SYNE1: variants seen among roughly 807,000 people sequenced by gnomAD.
SYNE1 encodes spectrin repeat containing nuclear envelope protein 1.
SYNE1 carries 616 observed loss-of-function variants against 1,111.0 expected under a neutral mutation model. That is an observed-to-expected ratio of 0.55 (90% CI 0.52 to 0.59). The LOEUF is 0.59. Ranked by LOEUF, SYNE1 falls within the 20% of genes least tolerant of loss-of-function variation. The probability of loss-of-function intolerance (pLI) is 0.00; values close to 1 mark genes in which losing one functional copy is unlikely to be tolerated. For missense variants in SYNE1, 10,006 were observed against 10,417.0 expected (o/e 0.96, Z 1.72); for synonymous variants, 3,855 against 3,825.8 (o/e 1.01, Z -0.28).
rs572750497 is a variant in SYNE1 at position 152,425,408 on chromosome 6, C to T, written c.5240G>A (p.Arg1747Lys). 1 of 1,614,156 alleles carries T rather than the reference C, an allele frequency of 6.2e-7. No individual in the cohort carries two copies. The highest frequency in any genetic ancestry group is 1.1e-5 in the South Asian group (1 of 91,076). ...TTTGTTAATGATCTGTGGTAAATCTCTCCATCTCTCATCCAACTGCTCCAA... is the reference window on the plus strand; with the variant it reads ...TTTGTTAATGATCTGTGGTAAATCTTTCCATCTCTCATCCAACTGCTCCAA... ...LHLEQLDERW[R>K]DLPQIINKRI... The change falls in exon 39 of 146, where the codon AGA (arginine) becomes AAA (lysine). Residue 1747 changes from arginine (R) to lysine (K), a missense_variant. This residue lies in a region of SYNE1 where 1,971 missense variants were observed against 2,084.1 expected (regional missense o/e 0.95). Coordinates refer to ENST00000367255, the MANE Select transcript of SYNE1 (RefSeq NM_182961.4).
chr6:152,462,827 A>G lies in SYNE1; in HGVS notation c.2161T>C (p.Ser721Pro). The G allele has an allele frequency of 1.9e-6, 3 of 1,614,082 alleles. No individual in the cohort carries two copies. The highest frequency in any genetic ancestry group is 2.5e-6 in the Non-Finnish European group (3 of 1,179,968). Residue 721 changes from serine (S) to proline (P), a missense_variant, in exon 20 of 146, where the codon TCT becomes CCT. Ser to Pro is a moderately conservative substitution (Grantham distance 74). Coordinates refer to ENST00000367255, the MANE Select transcript of SYNE1 (RefSeq NM_182961.4). Reference sequence around the variant, plus strand: ...TTATGGGCTTCCGTTGCAAAAGCAGACAGGGTAACAACACAGTCTGTGTAT... The same window carrying G: ...TTATGGGCTTCCGTTGCAAAAGCAGGCAGGGTAACAACACAGTCTGTGTAT... ...KEYTDCVVTL[S>P]AFATEAHKKL...
intron 130 of SYNE1, among the ~76,000 whole-genome samples, chr6:152,170,782 T>A (rs2065001004): frequency 6.6e-6 from 1 of 152,208 alleles, no homozygotes; most frequent in South Asian, 2.1e-4. Context: ...ATTGAACATA[T>A]TCTATGCTTA....
At chr6:152,447,293 T>A (rs1308781115) in intron 29 of SYNE1, among the ~76,000 whole-genome samples, 165 bp downstream of exon 29, 1 of 152,208 alleles carries the variant, frequency 6.6e-6, no homozygotes, top group Non-Finnish European at 1.5e-5. Context: ...TCAAACATCC[T>A]CTTCATCTTT....
At position 152,373,031 on chromosome 6, in the gene SYNE1, A is replaced by G. The variant is rs372138410; in HGVS notation, c.9507+6T>C. On this transcript the variant is annotated splice_donor_region_variant and intron_variant, in intron 59 of 145. Coordinates refer to ENST00000367255, the MANE Select transcript of SYNE1 (RefSeq NM_182961.4). ...AGAATGCTTCCATGTGGTTGGCTAT[A>G]TATACCTCTAGAGCAGATTCTTTTT... 15 of 1,613,754 alleles carry G rather than the reference A, an allele frequency of 9.3e-6. No individual in the cohort carries two copies. Among genetic ancestry groups the G allele is most frequent in the African/African-American group, 1.3e-5 (1 of 74,928 alleles).
rs1460124610 is a variant in SYNE1 at position 152,329,811 on chromosome 6, C to G, written c.14874G>C (p.Leu4958=). ...EKEKFTKAKE[L]ISADLEHSLA... ...GGCTGTGTTCTAAATCCGCAGAAAT[C>G]AGCTCCTTGGCCTTTGTGAACTTCT... Residue 4958 remains leucine (L), a synonymous_variant, in exon 78 of 146, where the codon CTG becomes CTC. Transcript: ENST00000367255. 1.2e-6 allele frequency: 2 copies of G among 1,614,112 alleles called. No homozygotes were observed. Among genetic ancestry groups the G allele is most frequent in the Non-Finnish European group, 1.7e-6 (2 of 1,180,046 alleles).
chr6:152,404,312 A>G lies in SYNE1; in HGVS notation c.6726T>C (p.Ser2242=). 6.2e-7 allele frequency: 1 copy of G among 1,608,578 alleles called. No individual in the cohort carries two copies. The part of the protein sequence containing the change: ...RAEELLKEFE[S]EVKNKALRLE... ...ATCTCAATGCTTTGTTTTTAACTTCAGACTGCCAAAAGGGAAGAAACATAA... is the reference window on the plus strand; with the variant it reads ...ATCTCAATGCTTTGTTTTTAACTTCGGACTGCCAAAAGGGAAGAAACATAA... Residue 2242 remains serine, a splice_region_variant and synonymous_variant, in exon 46 of 146, where the codon TCT becomes TCC. Transcript: ENST00000367255.
At chr6:152,232,302 A>T in intron 112 of SYNE1, 37 bp from the exon 113 acceptor site, 1 of 1,612,636 alleles carries the variant, frequency 6.2e-7, no homozygotes, top group South Asian at 1.1e-5. Flanking sequence ...CCCAAGTGTT[A>T]AAATGGAAAC....
chr6:152,481,243 C>CGTA, intron 14 of SYNE1: 1 of 222,002 alleles, frequency 4.5e-6, no homozygotes, highest in Non-Finnish European at 9.2e-6. Flanking sequence ...CTTCTCAGAC[C>CGTA]TCTAGATTGG....
Position 152,325,173 on chromosome 6 carries a change from G to C in SYNE1, c.15568C>G (p.Gln5190Glu), listed in dbSNP as rs138368397. 4.8e-4 allele frequency: 779 copies of C among 1,614,096 alleles called. 3 individuals carry two copies. The highest frequency in any genetic ancestry group is 6.0e-4 in the Non-Finnish European group (712 of 1,180,058). The change falls in exon 81 of 146, where the codon CAG becomes GAG. Residue 5190 changes from glutamine (Q) to glutamate (E), a missense_variant. By Grantham distance (29) the Gln-to-Glu change is conservative. This residue lies in a region of SYNE1 where 4,955 missense variants were observed against 5,017.2 expected (regional missense o/e 0.99). Coordinates refer to ENST00000367255, the MANE Select transcript of SYNE1 (RefSeq NM_182961.4). The part of the protein sequence containing the change: ...TLSRSMTTVW[Q>E]RWTRLRAVAQ... ...ACAGCTCGAAGGCGTGTCCAGCGCT[G>C]CCAGACGGTGGTCATTGACCTGCTC... is the stretch of plus-strand genomic sequence containing the variant.
Position 152,149,537 on chromosome 6 carries a change from C to T in SYNE1, c.24582G>A (p.Arg8194=). 6.2e-7 allele frequency: 1 copy of T among 1,614,190 alleles called. No individual in the cohort carries two copies. Among genetic ancestry groups the T allele is most frequent in the Non-Finnish European group, 8.5e-7 (1 of 1,180,026 alleles). Residue 8194 remains arginine, a synonymous_variant, in exon 136 of 146, where the codon CGG becomes CGA. Coordinates refer to ENST00000367255, the MANE Select transcript of SYNE1 (RefSeq NM_182961.4). ...IIEEELDELR[R]YCQEVFGRVE... is the part of the protein sequence containing the mutation. ...CACGCCCGAAGACCTCCTGGCAGTA[C>T]CGTCGGAGCTCATCTAGTTCCTCCT...
chr6:152,610,508 C>T (rs2758795), intron 3 of SYNE1, among the ~76,000 whole-genome samples: 110,404 of 152,068 alleles, frequency 0.73, 40,260 homozygotes, highest in East Asian at 0.81. Flanking sequence ...TAAGACCAAA[C>T]CTACGTTTGA....
chr6:152,359,856 G>A (rs1014472746), intron 64 of SYNE1, among the ~76,000 whole-genome samples: 8 of 147,096 alleles, frequency 5.4e-5, no homozygotes, highest in African/African-American at 2.0e-4. Flanking sequence ...CTCCCACCCA[G>A]ACGGTCAACC....
chr6:152,604,470 A>G (rs1011403942), intron 3 of SYNE1, among the ~76,000 whole-genome samples: 1 of 151,578 alleles, frequency 6.6e-6, no homozygotes, highest in African/African-American at 2.4e-5. Context: ...CATCTGGCTA[A>G]TTTTTCTATT....
chr6:152,316,389 A>C (rs2095719623), intron 87 of SYNE1: 1 of 198,876 alleles, frequency 5.0e-6, no homozygotes, highest in Non-Finnish European at 1.0e-5. Flanking sequence ...GTCTTCATAC[A>C]AATGATGAGA....
At position 152,179,472 on chromosome 6, in the gene SYNE1, A is replaced by AC. The variant is rs1288674842; in HGVS notation, c.23460+663_23460+664insG. 162 of 144,202 alleles carry AC rather than the reference A, an allele frequency of 1.1e-3. 1 individual carries two copies. The highest frequency in any genetic ancestry group is 4.4e-3 in the African/African-American group (159 of 35,938). 8.9% of individuals were successfully genotyped at this position (144,202 alleles called of 1,614,324 possible). ...CTCTCTAGTGGCTTTACCTTTTTAAAACAAAAAAAAATACACAAAAAACAA... is the reference window on the plus strand; with the variant it reads ...CTCTCTAGTGGCTTTACCTTTTTAAACACAAAAAAAAATACACAAAAAACAA... On this transcript the variant is annotated intron_variant, in intron 129 of 145. Coordinates refer to ENST00000367255, the MANE Select transcript of SYNE1 (RefSeq NM_182961.4).
intron 110 of SYNE1, 117 bp downstream of exon 110, chr6:152,235,990 G>A (rs778768363): frequency 1.1e-4 from 126 of 1,153,790 alleles, no homozygotes; most frequent in Non-Finnish European, 1.4e-4. Context: ...CAGTCCTCCC[G>A]TATTGGCCAC....
At chr6:152,634,958 G>T (rs972954140) in intron 2 of SYNE1, among the ~76,000 whole-genome samples, 1 of 152,246 alleles carries the variant, frequency 6.6e-6, no homozygotes, top group Non-Finnish European at 1.5e-5. Context: ...GGGTGTGGCT[G>T]CAGTAGCTAG....
At chr6:152,198,104 G>A (rs1048149138) in intron 127 of SYNE1, among the ~76,000 whole-genome samples, 2 of 151,854 alleles carry the variant, frequency 1.3e-5, no homozygotes, top group Non-Finnish European at 2.9e-5. Flanking sequence ...GAGGGAGGGA[G>A]GGTAACCACT....
intron 13 of SYNE1, 83 bp from the exon 14 acceptor site, chr6:152,483,332 TACA>T: frequency 3.5e-6 from 4 of 1,148,632 alleles, no homozygotes; most frequent in Non-Finnish European, 5.2e-6. Flanking sequence ...TAGTAAAGCA[TACA>T]TAAAGCTTTA....
Sources: gnomAD v4.1 joint callset for allele counts (sites outside exome capture counted in the v4.1 genomes callset) on GRCh38, gnomAD v4.1.1 for gene constraint, gnomAD v4.1.1 regional missense constraint, MANE v1.5 for transcripts, NCBI Gene and HGNC (gene_info 2026-07-23, HGNC 2026-07-21) for gene names.